Variants in ZNF280C observed in about 807,000 individuals in gnomAD.
The protein encoded by ZNF280C is zinc finger protein 280C.
Under a neutral mutation model 53.6 loss-of-function variants are expected in ZNF280C, and 14 were observed. The observed-to-expected ratio is 0.26, with a 90% CI of 0.17 to 0.41. The LOEUF (loss-of-function observed/expected upper bound fraction) is 0.41, where lower values mean the gene tolerates loss of function less well. Ranked by LOEUF, ZNF280C falls within the 10% of genes least tolerant of loss-of-function variation. The pLI, the probability that ZNF280C is intolerant of heterozygous loss-of-function variation, is 1.00. For synonymous variants in ZNF280C, 203 were observed against 181.1 expected (o/e 1.12, Z -0.97); for missense variants, 416 against 547.1 (o/e 0.76, Z 2.39).
Position 130,260,453 on chromosome X carries a change from G to GT in ZNF280C, c.-5dup. 8.4e-7 allele frequency: 1 copy of GT among 1,197,529 alleles called. No homozygotes were observed. Among genetic ancestry groups the GT allele is most frequent in the Non-Finnish European group, 1.1e-6 (1 of 887,535 alleles). On this transcript the variant is annotated 5_prime_UTR_variant, in exon 2 of 19. Transcript: ENST00000370978. ...GAAAAGGTTTGTCGTCATCCATGAA[G>GT]TTGCAAGGTCACCTAAGTACGAACA... is the stretch of plus-strand genomic sequence containing the variant.
chrX:130,206,852 C>T (rs1218265207), intron 16 of ZNF280C, among the ~76,000 whole-genome samples: 2 of 112,054 alleles, frequency 1.8e-5, no homozygotes, highest in Non-Finnish European at 3.8e-5. Context: ...TTTCTTCTTA[C>T]GTAAAACATT....
chrX:130,236,146 A>G, intron 8 of ZNF280C, 68 bp downstream of exon 8: 1 of 748,040 alleles, frequency 1.3e-6, no homozygotes, highest in Admixed American at 2.9e-5. Flanking sequence ...TTTACTGTAT[A>G]TCAATTTTCA....
chrX:130,255,431 C>T (rs768381082), intron 2 of ZNF280C, among the ~76,000 whole-genome samples: 17 of 105,553 alleles, frequency 1.6e-4, no homozygotes, highest in African/African-American at 5.9e-4. Context: ...TGAGCCACCG[C>T]GCCCGGCCGA....
chrX:130,205,627 C>T (rs1265083467), intron 16 of ZNF280C, among the ~76,000 whole-genome samples: 1 of 109,979 alleles, frequency 9.1e-6, no homozygotes, highest in Non-Finnish European at 1.9e-5. Flanking sequence ...GCCTGTAATC[C>T]CAGCACTTTG....
intron 2 of ZNF280C, among the ~76,000 whole-genome samples, chrX:130,248,021 A>G (rs2032467916): frequency 9.4e-6 from 1 of 106,165 alleles, no homozygotes; most frequent in South Asian, 4.5e-4. Flanking sequence ...TGGACAACCA[A>G]TGCGTACCAG....
In ZNF280C at chrX:130,236,247, G is replaced by A; in HGVS notation, c.738C>T (p.Phe246=). 3 of 1,206,142 alleles carry A rather than the reference G, an allele frequency of 2.5e-6. No individual in the cohort carries two copies. Among genetic ancestry groups the A allele is most frequent in the Non-Finnish European group, 3.4e-6 (3 of 892,630 alleles). ...LRACPKCNVQ[F]NLLDPLKYHM... is the part of the protein sequence containing the mutation. The stretch of plus-strand genomic sequence containing the variant: ...GGTATTTCAAAGGATCCAAAAGATT[G>A]AACTGAACATTGCACTTTGGACAAG... Residue 246 remains phenylalanine (F), a synonymous_variant, in exon 8 of 19, where the codon TTC becomes TTT. Coordinates refer to ENST00000370978, the MANE Select transcript of ZNF280C (RefSeq NM_017666.5).
At chrX:130,260,065 G>C in intron 2 of ZNF280C, among the ~76,000 whole-genome samples, 1 of 111,269 alleles carries the variant, frequency 9.0e-6, no homozygotes, top group African/African-American at 3.3e-5. Context: ...GGTGGATCAC[G>C]AAGTCAGGAG....
chrX:130,261,013 C>T (rs1468849273), intron 1 of ZNF280C, among the ~76,000 whole-genome samples: 1 of 112,124 alleles, frequency 8.9e-6, no homozygotes, highest in Non-Finnish European at 1.9e-5. Context: ...AAAACACATA[C>T]ATTTAGATAT....
At chrX:130,219,486 CAAAAAAAAAAAAAA>C (rs11299878) in intron 13 of ZNF280C, among the ~76,000 whole-genome samples, 3 of 32,744 alleles carry the variant, frequency 9.2e-5, no homozygotes, top group Admixed American at 1.1e-3. Flanking sequence ...GACTCTGTCT[CAAAAAAAAAAAAAA>C]AAAAAAAAAA....
intron 1 of ZNF280C, among the ~76,000 whole-genome samples, chrX:130,266,275 G>A (rs1474476872): frequency 9.0e-6 from 1 of 111,457 alleles, no homozygotes; most frequent in African/African-American, 3.3e-5. Context: ...TCTCACATGT[G>A]GAATCTAAAC....
At chrX:130,259,523 T>C (rs1273716037) in intron 2 of ZNF280C, among the ~76,000 whole-genome samples, 1 of 112,475 alleles carries the variant, frequency 8.9e-6, no homozygotes, top group African/African-American at 3.2e-5. Context: ...ATAACATATA[T>C]AGTATGATCT....
intron 2 of ZNF280C, among the ~76,000 whole-genome samples, chrX:130,256,376 A>AAT (rs1431554269): frequency 4.5e-5 from 5 of 111,665 alleles, no homozygotes; most frequent in Non-Finnish European, 9.4e-5. Flanking sequence ...ATTAAACATT[A>AAT]AATTGTTAGA....
rs370379632 is a variant in ZNF280C at position 130,205,158 on chromosome X, A to G, written c.2162-5T>C. 3.3e-6 allele frequency: 4 copies of G among 1,198,775 alleles called. No homozygotes were observed. In the African/African-American group the frequency reaches 7.0e-5, roughly 21 times the overall value. On this transcript the variant is annotated splice_region_variant and splice_polypyrimidine_tract_variant and intron_variant, in intron 17 of 18. Transcript: ENST00000370978. ...AAGTTGAGGTACTTTTGGAAACTGAAATCAAAAGAGTTTTACATTTACAAT... is the reference window on the plus strand; with the variant it reads ...AAGTTGAGGTACTTTTGGAAACTGAGATCAAAAGAGTTTTACATTTACAAT...
chrX:130,220,856 T>C (rs1420240479), intron 12 of ZNF280C, among the ~76,000 whole-genome samples: 4 of 111,301 alleles, frequency 3.6e-5, no homozygotes, highest in African/African-American at 6.5e-5. Context: ...CAAGAGAAAT[T>C]TGCACTTGCC....
intron 10 of ZNF280C, 65 bp downstream of exon 10, chrX:130,228,912 G>T: frequency 2.0e-6 from 2 of 1,018,796 alleles, no homozygotes; most frequent in Admixed American, 3.2e-5. Flanking sequence ...AATTTTTAAG[G>T]TTTCCTCACA....
At chrX:130,244,277 T>G (rs151000547) in intron 3 of ZNF280C, among the ~76,000 whole-genome samples, 445 of 111,888 alleles carry the variant, frequency 4.0e-3, no homozygotes, top group African/African-American at 0.013. Context: ...AGAAGTCAGT[T>G]TGAGCCTCAC....
At chrX:130,220,289 AAAC>A (rs1314660888) in intron 13 of ZNF280C, 57 bp downstream of exon 13, 4 of 1,047,440 alleles carry the variant, frequency 3.8e-6, no homozygotes, top group African/African-American at 1.9e-5. Flanking sequence ...ATAAAAAAAA[AAAC>A]ATAAAAAAAT....
At chrX:130,257,440 C>T (rs1424685014) in intron 2 of ZNF280C, among the ~76,000 whole-genome samples, 1 of 111,141 alleles carries the variant, frequency 9.0e-6, no homozygotes, top group African/African-American at 3.3e-5. Context: ...TTGAGAGATG[C>T]TTAAAAGGAA....
intron 2 of ZNF280C, among the ~76,000 whole-genome samples, chrX:130,256,610 TG>T (rs1215905101): frequency 2.9e-5 from 3 of 103,525 alleles, no homozygotes; most frequent in East Asian, 3.1e-4. Context: ...GACAAAGAAG[TG>T]GGGGGGCGCG....
Sources: gnomAD v4.1 joint callset for allele counts (sites outside exome capture counted in the v4.1 genomes callset) on GRCh38, gnomAD v4.1.1 for gene constraint, MANE v1.5 for transcripts, NCBI Gene and HGNC (gene_info 2026-07-23, HGNC 2026-07-21) for gene names.